Variants in RPTOR observed in about 807,000 individuals in gnomAD.
RPTOR encodes regulatory-associated protein of mTOR.
Under a neutral mutation model 169.9 loss-of-function variants are expected in RPTOR, and 21 were observed. That is an observed-to-expected ratio of 0.12 (90% confidence interval 0.09 to 0.18). The LOEUF (loss-of-function observed/expected upper bound fraction) is 0.18. Ranked by LOEUF, RPTOR falls within the 10% of genes least tolerant of loss-of-function variation. RPTOR has a pLI of 1.00. For missense variants in RPTOR, 1,133 were observed against 1,855.9 expected (o/e 0.61, Z 7.16); for synonymous variants, 732 against 753.2 (o/e 0.97, Z 0.46).
At chr17:80,744,659 G>T (rs78339368) in intron 5 of RPTOR, among the ~76,000 whole-genome samples, 130 of 684 alleles carry the variant, frequency 0.19, 59 homozygotes, top group East Asian at 0.67. Flanking sequence ...TCCTGGTTAC[G>T]AGCACAGCCC....
chr17:80,960,230 C>T lies in RPTOR; in HGVS notation c.3605+25C>T. ...GGTACCTTGACCCTGTCCTCTCCCT[C>T]CCCGAGTGCTGGCAGGGTACCTTCC... On this transcript the variant is annotated intron_variant, in intron 30 of 33. Coordinates refer to ENST00000306801, the MANE Select transcript of RPTOR (RefSeq NM_020761.3). This position sits in a 1 kb window ranked among gnomAD's most constrained non-coding sequence, Gnocchi z 4.8. 1 of 1,612,534 alleles carries T rather than the reference C, an allele frequency of 6.2e-7. No individual in the cohort carries two copies. Among genetic ancestry groups the T allele is most frequent in the South Asian group, 1.1e-5 (1 of 91,040 alleles).
intron 4 of RPTOR, among the ~76,000 whole-genome samples, chr17:80,715,326 T>C (rs2066230560): frequency 6.6e-6 from 1 of 152,182 alleles, no homozygotes; most frequent in Non-Finnish European, 1.5e-5. Context: ...TACATTTAAA[T>C]ATGTAATTAA....
intron 5 of RPTOR, among the ~76,000 whole-genome samples, chr17:80,748,736 T>A (rs2066603140): frequency 1.5e-5 from 1 of 65,064 alleles, no homozygotes. Flanking sequence ...CTGCGGTGTG[T>A]GTTTGGAGGC....
intron 3 of RPTOR, among the ~76,000 whole-genome samples, chr17:80,653,549 C>T (rs1346438384): frequency 4.6e-5 from 7 of 152,172 alleles, no homozygotes; most frequent in African/African-American, 7.2e-5. Flanking sequence ...AAGCTCCTGT[C>T]GGGGTGAGTG....
chr17:80,716,267 A>G (rs907450842), intron 4 of RPTOR, among the ~76,000 whole-genome samples: 1 of 152,120 alleles, frequency 6.6e-6, no homozygotes, highest in African/African-American at 2.4e-5. Flanking sequence ...ATTCTTGCAG[A>G]GGTAAGGTGG....
intron 33 of RPTOR, among the ~76,000 whole-genome samples, chr17:80,963,463 C>A: frequency 1.3e-5 from 1 of 77,716 alleles, no homozygotes; most frequent in Admixed American, 1.1e-4. Flanking sequence ...GGCCCTCACC[C>A]CGTCCCCTGT....
At chr17:80,814,584 T>C (rs1332721520) in intron 7 of RPTOR, among the ~76,000 whole-genome samples, 3 of 152,246 alleles carry the variant, frequency 2.0e-5, no homozygotes, top group Admixed American at 6.5e-5. Context: ...TAACATTTTG[T>C]TTACATACAG....
At chr17:80,806,172 A>G (rs1274490236) in intron 7 of RPTOR, among the ~76,000 whole-genome samples, 4 of 152,166 alleles carry the variant, frequency 2.6e-5, no homozygotes, top group Non-Finnish European at 4.4e-5. Flanking sequence ...TCTAGTTTCT[A>G]TTGTCTCTCG....
At chr17:80,940,886 C>A (rs1365073906) in intron 25 of RPTOR, among the ~76,000 whole-genome samples, 7 of 152,214 alleles carry the variant, frequency 4.6e-5, no homozygotes, top group African/African-American at 1.7e-4. Flanking sequence ...GGGACCCTGC[C>A]TCTTCCTCTG....
chr17:80,694,400 T>C (rs759128313), intron 3 of RPTOR, among the ~76,000 whole-genome samples: 2 of 152,242 alleles, frequency 1.3e-5, no homozygotes, highest in East Asian at 1.9e-4. Flanking sequence ...ATGTTTGTTC[T>C]GTGCATTGCG....
intron 3 of RPTOR, among the ~76,000 whole-genome samples, chr17:80,672,366 CT>C (rs61114947): frequency 0.65 from 87,004 of 133,260 alleles, 27,982 homozygotes; most frequent in African/African-American, 0.78. Context: ...TGCAAAGGTT[CT>C]TTTTTTTTTT....
intron 3 of RPTOR, among the ~76,000 whole-genome samples, chr17:80,685,623 A>AT (rs1252692300): frequency 2.6e-4 from 7 of 26,592 alleles, no homozygotes; most frequent in South Asian, 1.8e-3. Context: ...ATATATATAT[A>AT]TATATTTTTT....
intron 3 of RPTOR, among the ~76,000 whole-genome samples, chr17:80,672,371 T>C (rs1408564060): frequency 1.3e-5 from 2 of 151,580 alleles, no homozygotes; most frequent in African/African-American, 4.8e-5. Context: ...AGGTTCTTTT[T>C]TTTTTTTTTT....
intron 6 of RPTOR, among the ~76,000 whole-genome samples, chr17:80,763,030 G>T (rs145928647): frequency 6.6e-6 from 1 of 152,284 alleles, no homozygotes; most frequent in East Asian, 1.9e-4. Flanking sequence ...ATGAGACACA[G>T]ATTTAAAGCA....
chr17:80,794,357 A>G (rs2067079889), intron 7 of RPTOR, among the ~76,000 whole-genome samples: 1 of 152,256 alleles, frequency 6.6e-6, no homozygotes. Context: ...ATCATTAGCC[A>G]TTAGGTAATG....
chr17:80,689,975 G>C (rs2316058), intron 3 of RPTOR, among the ~76,000 whole-genome samples: 103,922 of 152,096 alleles, frequency 0.68, 36,439 homozygotes, highest in African/African-American at 0.84. Flanking sequence ...ATTAAAGTAG[G>C]AAACTTTACT....
chr17:80,791,501 G>C lies in RPTOR; in HGVS notation c.882G>C (p.Leu294Phe). The C allele has an allele frequency of 6.2e-7, 1 of 1,613,386 alleles. No homozygotes were observed. The highest frequency in any genetic ancestry group is 8.5e-7 in the Non-Finnish European group (1 of 1,179,850). ...VSLVPGVTLD[L>F]IEKIPGRLND... The stretch of plus-strand genomic sequence containing the variant: ...TGGTGCCTGGCGTCACACTGGATTT[G>C]ATAGAAAAGTAAGTAGGATTTTTAA... Residue 294 changes from leucine to phenylalanine, a missense_variant, in exon 7 of 34, where the codon TTG becomes TTC. This residue lies in a region of RPTOR where 289 missense variants were observed against 585.8 expected (regional missense o/e 0.49). Transcript: ENST00000306801.
chr17:80,769,563 CT>C (rs1360090678), intron 6 of RPTOR, among the ~76,000 whole-genome samples: 8 of 152,204 alleles, frequency 5.3e-5, no homozygotes, highest in Non-Finnish European at 1.2e-4. Context: ...AAAAGAGGGT[CT>C]CCAGGGAGAG....
chr17:80,763,717 C>A (rs796201948), intron 6 of RPTOR, among the ~76,000 whole-genome samples: 22 of 152,330 alleles, frequency 1.4e-4, no homozygotes, highest in African/African-American at 5.1e-4. Flanking sequence ...ACAAAGAAAG[C>A]TTTACTAATC....
Sources: allele counts gnomAD v4.1 joint callset (sites outside exome capture counted in the v4.1 genomes callset), GRCh38; gene constraint gnomAD v4.1.1; regional missense constraint gnomAD v4.1.1; non-coding constraint Gnocchi (gnomAD v3.1); transcripts MANE v1.5; gene names NCBI Gene and HGNC (gene_info 2026-07-23, HGNC 2026-07-21).